Variants in PDLIM7 observed in about 807,000 individuals in gnomAD.
PDLIM7 encodes PDZ and LIM domain protein 7.
PDLIM7 carries 37 observed loss-of-function variants against 53.9 expected under a neutral mutation model. The ratio of observed to expected loss-of-function variants is 0.69; its 90% CI spans 0.53 to 0.90. PDLIM7 has a LOEUF of 0.90. Among genes scored for constraint, PDLIM7 ranks in the 40% least tolerant of loss-of-function variants. The pLI, the probability that PDLIM7 is intolerant of heterozygous loss-of-function variation, is 0.00. For missense variants in PDLIM7, 617 were observed against 638.5 expected (o/e 0.97, Z 0.36); for synonymous variants, 300 against 261.3 (o/e 1.15, Z -1.43).
rs1398617096 is a variant in PDLIM7 at position 177,483,858 on chromosome 5, G to A, written c.1287+9C>T. 1.9e-6 allele frequency: 3 copies of A among 1,610,822 alleles called. No homozygotes were observed. Among genetic ancestry groups the A allele is most frequent in the Non-Finnish European group, 2.5e-6 (3 of 1,177,662 alleles). On this transcript the variant is annotated intron_variant, in intron 12 of 12. Coordinates refer to ENST00000355841, the MANE Select transcript of PDLIM7 (RefSeq NM_005451.5). ...GCTTGGGGCTCAGTTCGAGGGGCGGGGCTCTCACCGCACAGACGAAGCAGG... is the reference window on the plus strand; with the variant it reads ...GCTTGGGGCTCAGTTCGAGGGGCGGAGCTCTCACCGCACAGACGAAGCAGG...
chr5:177,490,608 G>C (rs774529806), intron 7 of PDLIM7: 58 of 1,536,156 alleles, frequency 3.8e-5, no homozygotes, highest in Non-Finnish European at 4.9e-5. Flanking sequence ...GGGGCAGAGA[G>C]AGAGGGAGGA....
Position 177,489,791 on chromosome 5 carries a change from G to A in PDLIM7, c.614C>T (p.Thr205Ile), listed in dbSNP as rs759017950. 4.4e-6 allele frequency: 7 copies of A among 1,580,074 alleles called. No homozygotes were observed. The Admixed American group carries it at 7.1e-5, about 16-fold the overall frequency. ...CTCACCAGGCCAGGGCTCCTGGGGT[G>A]TAGATGAGGCTGGGGCTGGGGCTTC... ...RTEAPAPASSTPQEPWPGPTA... is the reference protein window; with the variant it reads ...RTEAPAPASSIPQEPWPGPTA... Residue 205 changes from threonine to isoleucine, a missense_variant, in exon 8 of 13, where the codon ACA (threonine) becomes ATA (isoleucine). By Grantham distance (89) the Thr-to-Ile change is moderately conservative. Transcript: ENST00000355841.
intron 2 of PDLIM7, among the ~76,000 whole-genome samples, chr5:177,495,866 T>C (rs1176462767): frequency 6.6e-6 from 1 of 151,842 alleles, no homozygotes; most frequent in Non-Finnish European, 1.5e-5. Flanking sequence ...GGTCCTTACA[T>C]AGGCTGGGGA....
At chr5:177,494,512 G>T (rs1437790766) in intron 2 of PDLIM7, among the ~76,000 whole-genome samples, 2 of 145,476 alleles carry the variant, frequency 1.4e-5, no homozygotes, top group African/African-American at 2.5e-5. Flanking sequence ...GCTGTGGGCT[G>T]AGCCCGAGGT....
At chr5:177,496,726 AG>A (rs1217063495) in intron 1 of PDLIM7, 2 of 399,542 alleles carry the variant, frequency 5.0e-6, no homozygotes, top group African/African-American at 2.1e-5. Flanking sequence ...AGACAGGAGC[AG>A]CCCCCCTCCC....
At chr5:177,495,976 T>C (rs1439044298) in intron 2 of PDLIM7, among the ~76,000 whole-genome samples, 1 of 152,070 alleles carries the variant, frequency 6.6e-6, no homozygotes, top group Admixed American at 6.5e-5. Context: ...CACCTCTCCA[T>C]GAGTTCTTCT....
At position 177,489,972 on chromosome 5, in the gene PDLIM7, T is replaced by C. The variant is rs1251503573; in HGVS notation, c.573-140A>G. 3.9e-6 allele frequency: 6 copies of C among 1,535,444 alleles called. No homozygotes were observed. The Admixed American group carries it at 7.9e-5, about 20-fold the overall frequency. On this transcript the variant is annotated intron_variant, in intron 7 of 12. Transcript: ENST00000355841. ...AGTTGGATTCCAGGTCCCACTGGGG[T>C]AGGGATGGGAAGGGCAGCTTCTCCT...
chr5:177,483,703 T>G lies in PDLIM7; in HGVS notation c.1315A>C (p.Thr439Pro). 6.2e-7 allele frequency: 1 copy of G among 1,612,862 alleles called. No homozygotes were observed. The highest frequency in any genetic ancestry group is 8.5e-7 in the Non-Finnish European group (1 of 1,179,018). The change falls in exon 13 of 13, where the codon ACC (threonine) becomes CCC (proline). Residue 439 changes from threonine to proline, a missense_variant. By Grantham distance (38) the Thr-to-Pro change is conservative. Coordinates refer to ENST00000355841, the MANE Select transcript of PDLIM7 (RefSeq NM_005451.5). ...GGCCTGTCCTTCTTGGAGTAGAAGG[T>G]CTTTCCTTCCAGGTTGATCTGACAT... ...AICQINLEGK[T>P]FYSKKDRPLC...
rs756303585 is a variant in PDLIM7, at chr5:177,492,689, GAAGCA to G, written c.97-17_97-13del. On this transcript the variant is annotated splice_polypyrimidine_tract_variant and intron_variant, in intron 2 of 12. Transcript: ENST00000355841. ...CCCCCAGGAGTGAGCTGTGGAGAGAGAAGCAAAGTGACCGAGGCCCTGGACCCTGC... is the reference window on the plus strand; with the variant it reads ...CCCCCAGGAGTGAGCTGTGGAGAGAGAAGTGACCGAGGCCCTGGACCCTGC... 4 of 1,597,538 alleles carry G rather than the reference GAAGCA, an allele frequency of 2.5e-6. No homozygotes were observed. In the Admixed American group the frequency reaches 6.7e-5, roughly 27 times the overall value.
rs908077259 is a variant in PDLIM7 at position 177,491,293 on chromosome 5, T to C, written c.399-147A>G. On this transcript the variant is annotated intron_variant, in intron 5 of 12. Coordinates refer to ENST00000355841, the MANE Select transcript of PDLIM7 (RefSeq NM_005451.5). The stretch of plus-strand genomic sequence containing the variant: ...CCAGGAGCCCTGCTGGGCGGGTAGG[T>C]GAGAGGACAGGAGGGCGAAGTGGAG... The C allele has an allele frequency of 4.2e-6, 6 of 1,443,430 alleles. No homozygotes were observed. In the African/African-American group the frequency reaches 5.7e-5, roughly 14 times the overall value. The allele number at this position is 1,443,430 out of a possible 1,614,324, so 89.4% of individuals were successfully genotyped here.
chr5:177,490,090 A>G (rs1344971416), intron 7 of PDLIM7: 2 of 1,525,958 alleles, frequency 1.3e-6, no homozygotes, highest in Non-Finnish European at 1.8e-6. Context: ...CCCTCATGCC[A>G]GGAAGCCATC....
chr5:177,489,857 C>G (rs1758656346), intron 7 of PDLIM7, 25 bp from the exon 8 acceptor site: 4 of 1,570,666 alleles, frequency 2.5e-6, no homozygotes, highest in Non-Finnish European at 2.6e-6. Flanking sequence ...ATTCAAGGCC[C>G]TGCATGGCTG....
At chr5:177,496,848 C>T (rs1398910694) in intron 1 of PDLIM7, 3 of 182,586 alleles carry the variant, frequency 1.6e-5, no homozygotes, top group African/African-American at 4.7e-5. Flanking sequence ...CAGCCTGGAG[C>T]CTCGGGCGGC....
intron 10 of PDLIM7, among the ~76,000 whole-genome samples, chr5:177,487,684 TC>T (rs1168498189): frequency 1.3e-5 from 2 of 152,234 alleles, no homozygotes; most frequent in Middle Eastern, 3.2e-3. Context: ...CACAGAGCTC[TC>T]TGGCTACTCC....
At chr5:177,494,050 C>T (rs1020142003) in intron 2 of PDLIM7, among the ~76,000 whole-genome samples, 3 of 152,220 alleles carry the variant, frequency 2.0e-5, no homozygotes, top group Non-Finnish European at 2.9e-5. Context: ...GAGAGCTCGG[C>T]GGCCCCTTCC....
intron 6 of PDLIM7, 36 bp from the exon 7 acceptor site, chr5:177,490,942 C>CA (rs779088715): frequency 6.2e-7 from 1 of 1,614,116 alleles, no homozygotes; most frequent in East Asian, 2.2e-5. Context: ...CCAAAAAAGA[C>CA]ACAGGGTCAG....
chr5:177,492,156 G>A, intron 4 of PDLIM7: 1 of 611,176 alleles, frequency 1.6e-6, no homozygotes, highest in Non-Finnish European at 2.9e-6. Context: ...GTGCGGGCGA[G>A]CACGCAGCGC....
intron 4 of PDLIM7, 83 bp from the exon 5 acceptor site, chr5:177,492,008 AC>A (rs1343905589): frequency 1.6e-5 from 10 of 636,152 alleles, no homozygotes; most frequent in Non-Finnish European, 2.2e-5. Context: ...GCAGCAGAGG[AC>A]AGCGGCAGCT....
Position 177,483,980 on chromosome 5 carries a change from A to C in PDLIM7, c.1174T>G (p.Tyr392Asp). The change falls in exon 12 of 13, where the codon TAT becomes GAT. Residue 392 changes from tyrosine (Y) to aspartate (D), a missense_variant and splice_region_variant. Tyr to Asp is a radical substitution (Grantham distance 160). Transcript: ENST00000355841. ...EEGVPYCERDYEKMFGTKCHG... is the reference protein window; with the variant it reads ...EEGVPYCERDDEKMFGTKCHG... ...CATTTCGTGCCAAACATCTTCTCAT[A>C]GTCTGAGAATGGGGGCAGAGAGAAA... 2 of 1,613,812 alleles carry C rather than the reference A, an allele frequency of 1.2e-6. No homozygotes were observed. Among genetic ancestry groups the C allele is most frequent in the Non-Finnish European group, 1.7e-6 (2 of 1,179,908 alleles).
Sources: gnomAD v4.1 joint callset for allele counts (sites outside exome capture counted in the v4.1 genomes callset) on GRCh38, gnomAD v4.1.1 for gene constraint, MANE v1.5 for transcripts, NCBI Gene and HGNC (gene_info 2026-07-23, HGNC 2026-07-21) for gene names.